MEPE: variants seen among roughly 807,000 people sequenced by gnomAD.
MEPE encodes the protein matrix, extracellular phosphoglycoprotein with ASARM motif (bone).
Under a neutral mutation model 7.3 loss-of-function variants are expected in MEPE, and 7 were observed. That is an observed-to-expected ratio of 0.95 (90% CI 0.54 to 1.79). The LOEUF is 1.79. Among genes scored for constraint, MEPE ranks in the 40% most tolerant of loss-of-function variants. The probability of loss-of-function intolerance (pLI) is 0.00; values close to 1 mark genes in which losing one functional copy is unlikely to be tolerated. For missense variants in MEPE, 623 were observed against 628.2 expected (o/e 0.99, Z 0.09); for synonymous variants, 214 against 213.1 (o/e 1.00, Z -0.04).
At chr4:87,830,955 C>G (rs189446218), upstream of MEPE, among the ~76,000 whole-genome samples, 1 of 152,134 alleles carries the variant, frequency 6.6e-6, no homozygotes, top group Non-Finnish European at 1.5e-5. Context: ...GATAAATTGA[C>G]AGTTTACACT....
intron 2 of MEPE, among the ~76,000 whole-genome samples, chr4:87,837,020 T>TAAAC (rs975752805): frequency 1.3e-5 from 2 of 152,246 alleles, no homozygotes; most frequent in Non-Finnish European, 2.9e-5. Context: ...AGGTGCTTTC[T>TAAAC]AAACTTCTGA....
intron 1 of MEPE, among the ~76,000 whole-genome samples, chr4:87,825,314 A>C (rs1560532910): frequency 6.6e-6 from 1 of 152,122 alleles, no homozygotes; most frequent in Non-Finnish European, 1.5e-5. Flanking sequence ...CAGCACAACC[A>C]TTACTCCTGC....
At chr4:87,838,748 A>T (rs983525494) in intron 3 of MEPE, 63 bp downstream of exon 3, 1 of 1,453,442 alleles carries the variant, frequency 6.9e-7, no homozygotes, top group Non-Finnish European at 9.6e-7. Flanking sequence ...AGTCAGTAAG[A>T]GAAAAGTGTA....
chr4:87,830,933 T>C (rs963901677), upstream of MEPE, among the ~76,000 whole-genome samples: 24 of 152,098 alleles, frequency 1.6e-4, no homozygotes, highest in African/African-American at 5.8e-4. Context: ...TTTTGTCTAT[T>C]TGGAGGGTTG....
Position 87,846,563 on chromosome 4 carries a change from G to T in MEPE, c.*117G>T. ...AAGAGAGGATAGAGTGAAGAACTGA[G>T]TGAGCCAAGAATCCTGGTCTCCTTG... On this transcript the variant is annotated 3_prime_UTR_variant, in exon 4 of 4. Transcript: ENST00000361056. 3 of 1,176,952 alleles carry T rather than the reference G, an allele frequency of 2.5e-6. No individual in the cohort carries two copies. In the African/African-American group the frequency reaches 4.6e-5, roughly 18 times the overall value. 72.9% of individuals were successfully genotyped at this position (1,176,952 alleles called of 1,614,324 possible). A position where few individuals can be genotyped will look rare whatever the true frequency, so the allele number is the denominator to read the frequency against.
chr4:87,844,838 C>G (rs1723148144), intron 3 of MEPE, 139 bp from the exon 4 acceptor site: 1 of 630,152 alleles, frequency 1.6e-6, no homozygotes, highest in Non-Finnish European at 2.5e-6. Context: ...CTAGAATGAC[C>G]TCTACCAGTA....
intron 3 of MEPE, 81 bp from the exon 4 acceptor site, chr4:87,844,896 G>A (rs1176101701): frequency 1.9e-6 from 2 of 1,046,916 alleles, no homozygotes; most frequent in Admixed American, 3.3e-5. Context: ...TCTGGTGGAT[G>A]GTTTTTATAT....
intron 2 of MEPE, among the ~76,000 whole-genome samples, chr4:87,838,326 T>C (rs920647660): frequency 4.6e-5 from 7 of 152,172 alleles, no homozygotes; most frequent in Non-Finnish European, 2.9e-5. Context: ...AGCTCCTTCG[T>C]CTGGGGTGCC....
chr4:87,821,981 G>A (rs1722349530), intron 1 of MEPE, among the ~76,000 whole-genome samples: 1 of 152,032 alleles, frequency 6.6e-6, no homozygotes, highest in Non-Finnish European at 1.5e-5. Context: ...GGCCAACACA[G>A]CCCTTACCTG....
In MEPE at chr4:87,845,585, C is replaced by CG; in HGVS notation, c.719dup (p.Tyr241LeufsTer11). ...AAATCCCCAGTGATTTTGAAGGCAG[C>CG]GGTTATACAGATCTTCAAGAGAGAG... On this transcript the variant is annotated frameshift_variant, in exon 4 of 4. Coordinates refer to ENST00000361056, the MANE Select transcript of MEPE (RefSeq NM_020203.6). LOFTEE classifies it low-confidence loss of function (END_TRUNC). The CG allele has an allele frequency of 2.5e-6, 4 of 1,612,936 alleles. No individual in the cohort carries two copies. Among genetic ancestry groups the CG allele is most frequent in the Non-Finnish European group, 3.4e-6 (4 of 1,179,714 alleles).
chr4:87,844,583 GAA>G (rs1463072163), intron 3 of MEPE, among the ~76,000 whole-genome samples: 2 of 151,544 alleles, frequency 1.3e-5, no homozygotes, highest in Admixed American at 6.6e-5. Context: ...GGAGAAAAGA[GAA>G]AGAGAGAGAG....
chr4:87,837,273 G>C (rs1722832491), intron 2 of MEPE, among the ~76,000 whole-genome samples: 1 of 152,106 alleles, frequency 6.6e-6, no homozygotes, highest in Non-Finnish European at 1.5e-5. Flanking sequence ...GGACCACAAA[G>C]GAGATGTACC....
intron 2 of MEPE, among the ~76,000 whole-genome samples, chr4:87,838,189 C>T (rs770616720): frequency 6.6e-6 from 1 of 152,164 alleles, no homozygotes; most frequent in Non-Finnish European, 1.5e-5. Context: ...ATTACAGTTA[C>T]TCAACTTATA....
chr4:87,842,352 G>T (rs550911065), intron 3 of MEPE, among the ~76,000 whole-genome samples: 141 of 152,206 alleles, frequency 9.3e-4, no homozygotes, highest in South Asian at 6.8e-3. Flanking sequence ...TCTCCATCAG[G>T]GAGCTCTCGT....
chr4:87,829,568 A>T (rs564968463), upstream of MEPE, among the ~76,000 whole-genome samples: 1 of 152,308 alleles, frequency 6.6e-6, no homozygotes, highest in South Asian at 2.1e-4. Context: ...TAAGGCACAT[A>T]TCAAGTGTTT....
At chr4:87,840,103 T>C (rs1722957679) in intron 3 of MEPE, 1 of 1,521,336 alleles carries the variant, frequency 6.6e-7, no homozygotes, top group Non-Finnish European at 8.8e-7. Flanking sequence ...TTTGGTGTTT[T>C]ATAAGAAAGT....
rs1232813151 is a variant in MEPE at position 87,845,110 on chromosome 4, A to G, written c.242A>G (p.Lys81Arg). The G allele has an allele frequency of 6.2e-7, 1 of 1,613,702 alleles. No homozygotes were observed. The highest frequency in any genetic ancestry group is 8.5e-7 in the Non-Finnish European group (1 of 1,179,876). The change falls in exon 4 of 4, where the codon AAG (lysine) becomes AGG (arginine). Residue 81 changes from lysine to arginine, a missense_variant. By Grantham distance (26) the Lys-to-Arg change is conservative (BLOSUM62 2). Coordinates refer to ENST00000361056, the MANE Select transcript of MEPE (RefSeq NM_020203.6). ...TCCCTTTCTGAAGCCAGTGAGAATA[A>G]GGGAAGTAGTAAATCTCAAAATTAT... ...DLSLSEASENKGSSKSQNYFT... is the reference protein window; with the variant it reads ...DLSLSEASENRGSSKSQNYFT...
At chr4:87,836,094 C>T (rs1722778296) in intron 2 of MEPE, among the ~76,000 whole-genome samples, 1 of 151,958 alleles carries the variant, frequency 6.6e-6, no homozygotes. Context: ...GATGCAGAGG[C>T]AACATTTGTA....
intron 3 of MEPE, among the ~76,000 whole-genome samples, chr4:87,840,515 A>G (rs1291388057): frequency 2.0e-5 from 3 of 152,228 alleles, no homozygotes; most frequent in Non-Finnish European, 4.4e-5. Context: ...ATAAGTTAAA[A>G]CATATCCATT....
Sources: gnomAD v4.1 joint callset for allele counts (sites outside exome capture counted in the v4.1 genomes callset) on GRCh38, gnomAD v4.1.1 for gene constraint, MANE v1.5 for transcripts, NCBI Gene and HGNC (gene_info 2026-07-23, HGNC 2026-07-21) for gene names.